Variants in DLG2 observed in about 807,000 individuals in gnomAD.
The protein encoded by DLG2 is disks large homolog 2.
DLG2 carries 45 observed loss-of-function variants against 132.5 expected under a neutral mutation model. The ratio of observed to expected loss-of-function variants is 0.34; its 90% CI spans 0.27 to 0.44. The LOEUF (loss-of-function observed/expected upper bound fraction) is 0.44, where lower values mean the gene tolerates loss of function less well. Among genes scored for constraint, DLG2 ranks in the 20% least tolerant of loss-of-function variants. The pLI is 1.00. For synonymous variants in DLG2, 424 were observed against 419.6 expected (o/e 1.01, Z -0.13); for missense variants, 1,045 against 1,196.9 (o/e 0.87, Z 1.87).
chr11:84,740,331 T>A (rs1399330464), intron 6 of DLG2, among the ~76,000 whole-genome samples: 6 of 151,912 alleles, frequency 3.9e-5, no homozygotes, highest in African/African-American at 1.5e-4. Context: ...GTAAACAGAA[T>A]AATCCCATCA....
chr11:83,857,817 CTT>C (rs34112412), intron 16 of DLG2, among the ~76,000 whole-genome samples: 26 of 145,364 alleles, frequency 1.8e-4, no homozygotes, highest in Middle Eastern at 3.6e-3. Context: ...ATTTTCTGCT[CTT>C]TTTTTTTTTT....
At chr11:84,406,219 C>G (rs1195927850) in intron 7 of DLG2, among the ~76,000 whole-genome samples, 1 of 152,072 alleles carries the variant, frequency 6.6e-6, no homozygotes, top group East Asian at 1.9e-4. Context: ...CATACCTACC[C>G]ACAAACACAG....
intron 18 of DLG2, among the ~76,000 whole-genome samples, chr11:83,740,836 A>T (rs2092446494): frequency 6.6e-6 from 1 of 152,144 alleles, no homozygotes; most frequent in Non-Finnish European, 1.5e-5. Flanking sequence ...GCCCCCAGTG[A>T]CTTGTGTTTT....
chr11:84,698,454 A>G (rs1461804157), intron 6 of DLG2, among the ~76,000 whole-genome samples: 1 of 151,586 alleles, frequency 6.6e-6, no homozygotes, highest in East Asian at 1.9e-4. Context: ...CTAAACAGAA[A>G]TAAGTGGCAG....
At chr11:85,197,159 G>A (rs1269886666) in intron 4 of DLG2, among the ~76,000 whole-genome samples, 1 of 152,242 alleles carries the variant, frequency 6.6e-6, no homozygotes, top group East Asian at 1.9e-4. Flanking sequence ...TATATAATTT[G>A]GCAGACCTTT....
chr11:84,640,847 G>A (rs1594625412), intron 6 of DLG2, among the ~76,000 whole-genome samples: 3 of 152,058 alleles, frequency 2.0e-5, no homozygotes, highest in Non-Finnish European at 4.4e-5. Flanking sequence ...GGCTGAGGCA[G>A]GAGAATTGCT....
At chr11:83,876,987 G>A (rs1190324323) in intron 15 of DLG2, among the ~76,000 whole-genome samples, 1 of 152,014 alleles carries the variant, frequency 6.6e-6, no homozygotes, top group Non-Finnish European at 1.5e-5. Flanking sequence ...TATAAACAGT[G>A]CTGCAATGAA....
intron 3 of DLG2, among the ~76,000 whole-genome samples, chr11:85,512,525 G>T (rs1419287564): frequency 6.6e-6 from 1 of 152,068 alleles, no homozygotes; most frequent in East Asian, 1.9e-4. Context: ...TATAGATAAC[G>T]TATCTTGAGT....
At chr11:84,963,707 A>T (rs2052920762) in intron 6 of DLG2, among the ~76,000 whole-genome samples, 1 of 152,220 alleles carries the variant, frequency 6.6e-6, no homozygotes, top group Non-Finnish European at 1.5e-5. Flanking sequence ...CACAATTTAT[A>T]GCACAAAATA....
chr11:83,798,006 T>G (rs1028232880), intron 17 of DLG2, among the ~76,000 whole-genome samples: 1 of 152,220 alleles, frequency 6.6e-6, no homozygotes, highest in Non-Finnish European at 1.5e-5. Flanking sequence ...GAAGGGAATA[T>G]GCAGGAAGCA....
chr11:84,038,319 TA>T (rs2095933573), intron 11 of DLG2, among the ~76,000 whole-genome samples: 1 of 151,336 alleles, frequency 6.6e-6, no homozygotes, highest in African/African-American at 2.4e-5. Flanking sequence ...AACAACCCCA[TA>T]AAAAAGTGGG....
chr11:84,253,751 T>A (rs2097422537), intron 7 of DLG2, among the ~76,000 whole-genome samples: 1 of 152,212 alleles, frequency 6.6e-6, no homozygotes, highest in African/African-American at 2.4e-5. Context: ...TCACTATTTC[T>A]ATGTTATATA....
intron 3 of DLG2, among the ~76,000 whole-genome samples, chr11:85,459,498 A>C (rs1401927811): frequency 1.1e-4 from 16 of 152,068 alleles, no homozygotes; most frequent in Non-Finnish European, 2.4e-4. Flanking sequence ...TGTCTCAGGG[A>C]GCCCCACCCC....
In DLG2 at chr11:84,567,679, C is replaced by G. The variant is rs548367606; in HGVS notation, c.358-32948G>C. On this transcript the variant is annotated intron_variant, in intron 6 of 27. Coordinates refer to ENST00000376104, the MANE Select transcript of DLG2 (RefSeq NM_001142699.3). ...TGTTACTTAATCACTTTTTAATTCC[C>G]CAACAATTGGTATCACACAGGTCCT... Among the ~76,000 whole-genome samples the G allele has an allele frequency of 9.2e-5, 14 of 152,230 alleles. No homozygotes were observed. The South Asian group carries it at 2.9e-3, about 32-fold the overall frequency.
At chr11:84,648,502 T>G (rs1454408229) in intron 6 of DLG2, among the ~76,000 whole-genome samples, 1 of 152,172 alleles carries the variant, frequency 6.6e-6, no homozygotes, top group Non-Finnish European at 1.5e-5. Flanking sequence ...GTATCCGTTA[T>G]AGTTTGGATG....
intron 11 of DLG2, among the ~76,000 whole-genome samples, chr11:84,007,067 T>C (rs2154056922): frequency 6.6e-6 from 1 of 151,812 alleles, no homozygotes; most frequent in Admixed American, 6.6e-5. Flanking sequence ...CGATCACCCT[T>C]ATAGGGCTCT....
At chr11:84,220,588 T>A (rs1252727603) in intron 8 of DLG2, among the ~76,000 whole-genome samples, 4 of 152,152 alleles carry the variant, frequency 2.6e-5, no homozygotes, top group African/African-American at 9.7e-5. Context: ...GGGAATAACA[T>A]CAATCTTCTA....
chr11:85,374,116 TG>T, intron 3 of DLG2, among the ~76,000 whole-genome samples: 1 of 152,140 alleles, frequency 6.6e-6, no homozygotes, highest in East Asian at 1.9e-4. Flanking sequence ...AGGAATTATA[TG>T]AAAAAAAAAG....
chr11:84,273,055 T>C, intron 7 of DLG2: 2 of 1,075,642 alleles, frequency 1.9e-6, no homozygotes, highest in Non-Finnish European at 2.5e-6. Flanking sequence ...GATCATCAAA[T>C]GCACAGAATT....
Sources: allele counts gnomAD v4.1 joint callset (sites outside exome capture counted in the v4.1 genomes callset), GRCh38; gene constraint gnomAD v4.1.1; transcripts MANE v1.5; gene names NCBI Gene and HGNC (gene_info 2026-07-23, HGNC 2026-07-21).